Variants in ULK4 observed in about 807,000 individuals in gnomAD.
The protein encoded by ULK4 is unc-51 like kinase 4, also known as inactive serine/threonine-protein kinase ULK4.
Under a neutral mutation model 160.6 loss-of-function variants are expected in ULK4, and 133 were observed. The observed-to-expected ratio is 0.83, with a 90% CI of 0.72 to 0.96. ULK4 has a LOEUF of 0.96. Ranked by LOEUF, ULK4 falls within the 40% of genes least tolerant of loss-of-function variation. The probability of loss-of-function intolerance (pLI) is 0.00; values close to 1 mark genes in which losing one functional copy is unlikely to be tolerated. For synonymous variants in ULK4, 534 were observed against 539.8 expected, an observed-to-expected ratio of 0.99 and a Z score of 0.15; for missense variants, 1,580 against 1,499.5, an observed-to-expected ratio of 1.05 and a Z score of -0.89.
intron 19 of ULK4, among the ~76,000 whole-genome samples, chr3:41,804,423 T>A (rs556422870): frequency 1.3e-5 from 2 of 151,932 alleles, no homozygotes; most frequent in African/African-American, 4.8e-5. Context: ...TTTCTCCCAT[T>A]TTGTAGGTTG....
chr3:41,512,623 G>A (rs971956815), intron 32 of ULK4, among the ~76,000 whole-genome samples: 2 of 152,110 alleles, frequency 1.3e-5, no homozygotes, highest in Non-Finnish European at 2.9e-5. Context: ...AGAAATAATA[G>A]ACAACACAAA....
intron 21 of ULK4, among the ~76,000 whole-genome samples, chr3:41,782,156 A>ATTTT (rs35717916): frequency 5.5e-4 from 78 of 143,016 alleles, no homozygotes; most frequent in African/African-American, 6.6e-4. Flanking sequence ...GCGATTCTGA[A>ATTTT]TTTTTTTTTT....
chr3:41,689,809 G>A (rs572093214), intron 27 of ULK4, among the ~76,000 whole-genome samples: 12 of 151,588 alleles, frequency 7.9e-5, no homozygotes, highest in African/African-American at 2.9e-4. Context: ...TGGAGAGGAG[G>A]TGGAGAAATA....
At chr3:41,783,182 T>C (rs1269402845) in intron 21 of ULK4, among the ~76,000 whole-genome samples, 4 of 144,484 alleles carry the variant, frequency 2.8e-5, no homozygotes, top group Non-Finnish European at 4.4e-5. Context: ...GGTAAATGTT[T>C]AACTTTGGCC....
chr3:41,639,517 C>T (rs920087852), intron 30 of ULK4, among the ~76,000 whole-genome samples: 20 of 152,144 alleles, frequency 1.3e-4, no homozygotes, highest in African/African-American at 4.6e-4. Flanking sequence ...CACCTGAGGT[C>T]AGGAGTTCAA....
chr3:41,819,476 A>G lies in ULK4; in HGVS notation c.1795T>C (p.Trp599Arg), dbSNP rs1251145158. The change falls in exon 19 of 37, where the codon TGG becomes CGG. Residue 599 changes from tryptophan to arginine, a missense_variant. By Grantham distance (101) the Trp-to-Arg change is moderately radical. Coordinates refer to ENST00000301831, the MANE Select transcript of ULK4 (RefSeq NM_017886.4). ...EEKKKNPRECWAVPLAAYTVL... is the reference protein window; with the variant it reads ...EEKKKNPRECRAVPLAAYTVL... ...GTGTATGCAGCCAAGGGAACAGCCCAGCACTCTCTAGGGTTCTTTTTTTTT... is the reference window on the plus strand; with the variant it reads ...GTGTATGCAGCCAAGGGAACAGCCCGGCACTCTCTAGGGTTCTTTTTTTTT... The G allele has an allele frequency of 6.2e-7, 1 of 1,613,284 alleles. No individual in the cohort carries two copies. The highest frequency in any genetic ancestry group is 8.5e-7 in the Non-Finnish European group (1 of 1,179,870).
intron 31 of ULK4, among the ~76,000 whole-genome samples, chr3:41,577,676 A>T (rs374353776): frequency 2.0e-5 from 3 of 151,404 alleles, no homozygotes; most frequent in African/African-American, 7.3e-5. Context: ...CCATGAGTTC[A>T]ATTGTTTTTC....
At chr3:41,497,253 G>A (rs1412720566) in intron 32 of ULK4, among the ~76,000 whole-genome samples, 1 of 152,064 alleles carries the variant, frequency 6.6e-6, no homozygotes, top group Non-Finnish European at 1.5e-5. Flanking sequence ...TTGGGATGAA[G>A]AGCAGACTAG....
chr3:41,439,804 A>T (rs1352954552), intron 34 of ULK4, among the ~76,000 whole-genome samples: 1 of 152,218 alleles, frequency 6.6e-6, no homozygotes, highest in African/African-American at 2.4e-5. Flanking sequence ...GAGTTTACAC[A>T]TCAATTTTGG....
chr3:41,734,235 T>A (rs1468058413), intron 22 of ULK4, among the ~76,000 whole-genome samples: 1 of 152,106 alleles, frequency 6.6e-6, no homozygotes, highest in African/African-American at 2.4e-5. Context: ...AGAGTCAATA[T>A]GACTTGTTTA....
Position 41,906,216 on chromosome 3 carries a change from C to CAA in ULK4, c.1182+1627_1182+1628dup, listed in dbSNP as rs58001920. ...TGGGCGACAGAGCGAGACTCCGTCT[C>CAA]AAAAAAAAAAAAAAAAAAAAAGTTA... is the stretch of plus-strand genomic sequence containing the variant. On this transcript the variant is annotated intron_variant, in intron 12 of 36. Coordinates refer to ENST00000301831, the MANE Select transcript of ULK4 (RefSeq NM_017886.4). Among the ~76,000 whole-genome samples the CAA allele has an allele frequency of 1.7e-3, 114 of 67,104 alleles. 6 individuals carry two copies. Among genetic ancestry groups the CAA allele is most frequent in the African/African-American group, 7.0e-3 (110 of 15,654 alleles). 44.0% of individuals were successfully genotyped at this position (67,104 alleles called of 152,430 possible).
At chr3:41,325,175 T>TG (rs1484155392) in intron 35 of ULK4, among the ~76,000 whole-genome samples, 2 of 152,126 alleles carry the variant, frequency 1.3e-5, no homozygotes, top group African/African-American at 4.8e-5. Context: ...CCCTAGTGAC[T>TG]AAAAGATGGG....
chr3:41,717,388 CA>C (rs1488903938), intron 23 of ULK4, among the ~76,000 whole-genome samples: 2 of 149,186 alleles, frequency 1.3e-5, no homozygotes, highest in Non-Finnish European at 3.0e-5. Context: ...CTGATTTAGG[CA>C]AAAAAAAACT....
intron 35 of ULK4, among the ~76,000 whole-genome samples, chr3:41,320,480 G>A (rs542165530): frequency 2.0e-5 from 3 of 152,304 alleles, no homozygotes; most frequent in Non-Finnish European, 4.4e-5. Flanking sequence ...TTTCCATGGG[G>A]CTGAGGAAGC....
chr3:41,258,949 AATAT>A (rs890454033), intron 35 of ULK4, among the ~76,000 whole-genome samples: 6 of 149,112 alleles, frequency 4.0e-5, no homozygotes, highest in African/African-American at 7.5e-5. Flanking sequence ...ACATCTGTTG[AATAT>A]ATATATATAC....
chr3:41,937,388 C>T (rs1559662502), intron 3 of ULK4: 1 of 672,910 alleles, frequency 1.5e-6, no homozygotes, highest in Non-Finnish European at 2.7e-6. Context: ...ATCCAAATTA[C>T]TTCTTTAAGT....
chr3:41,564,906 G>A (rs1575422098), intron 32 of ULK4, among the ~76,000 whole-genome samples: 1 of 152,024 alleles, frequency 6.6e-6, no homozygotes, highest in East Asian at 1.9e-4. Context: ...AGTCCTTCAA[G>A]CTCCATCCAT....
chr3:41,910,802 T>C (rs903427152), intron 11 of ULK4, among the ~76,000 whole-genome samples: 17 of 151,618 alleles, frequency 1.1e-4, no homozygotes, highest in Non-Finnish European at 2.5e-4. Context: ...AAACACCATC[T>C]CTACAAAAAA....
chr3:41,833,482 G>C (rs997192931), intron 18 of ULK4, among the ~76,000 whole-genome samples: 3 of 151,956 alleles, frequency 2.0e-5, no homozygotes, highest in Non-Finnish European at 2.9e-5. Flanking sequence ...ATTTTTAGTA[G>C]AGACGGGGTT....
Sources: allele counts gnomAD v4.1 joint callset (sites outside exome capture counted in the v4.1 genomes callset), GRCh38; gene constraint gnomAD v4.1.1; transcripts MANE v1.5; gene names NCBI Gene and HGNC (gene_info 2026-07-23, HGNC 2026-07-21).